SLC16A2: variants seen among roughly 807,000 people sequenced by gnomAD.
SLC16A2 encodes monocarboxylate transporter 8.
SLC16A2 carries 3 observed loss-of-function variants against 27.2 expected under a neutral mutation model. The ratio of observed to expected loss-of-function variants is 0.11; its 90% CI spans 0.05 to 0.28. The LOEUF is 0.28. Ranked by LOEUF, SLC16A2 falls within the 10% of genes least tolerant of loss-of-function variation. The probability of loss-of-function intolerance (pLI) is 1.00; values close to 1 mark genes in which losing one functional copy is unlikely to be tolerated. For synonymous variants in SLC16A2, 202 were observed against 187.8 expected, an observed-to-expected ratio of 1.08 and a Z score of -0.62; for missense variants, 295 against 458.5, an observed-to-expected ratio of 0.64 and a Z score of 3.26.
chrX:74,473,789 G>A, intron 1 of SLC16A2: 1 of 605,416 alleles, frequency 1.7e-6, no homozygotes. Flanking sequence ...GCCCCTGGAG[G>A]GCTTGGTGTT....
Position 74,486,803 on chromosome X carries a change from C to T in SLC16A2, c.431-34187C>T, listed in dbSNP as rs189011176. ...ATGCACATGTATGTTTATTGCAGCA[C>T]TATTCACAATAGCAAAGACTTGGAA... On this transcript the variant is annotated intron_variant, in intron 1 of 5. Coordinates refer to ENST00000587091, the MANE Select transcript of SLC16A2 (RefSeq NM_006517.5). Among the ~76,000 whole-genome samples, 344 of 111,943 alleles carry T rather than the reference C, an allele frequency of 3.1e-3. 2 individuals are homozygous for T. Among genetic ancestry groups the T allele is most frequent in the African/African-American group, 0.011 (338 of 30,846 alleles).
intron 1 of SLC16A2, among the ~76,000 whole-genome samples, chrX:74,425,533 A>T (rs980577666): frequency 2.7e-5 from 3 of 111,241 alleles, no homozygotes; most frequent in African/African-American, 6.5e-5. Flanking sequence ...AGCAGACAGG[A>T]CAGGAGGCAA....
In SLC16A2 at chrX:74,532,687, C is replaced by A. The variant is rs1229907993; in HGVS notation, c.*1134C>A. The A allele has an allele frequency of 8.9e-6, 1 of 111,819 alleles. No homozygotes were observed. Among genetic ancestry groups the A allele is most frequent in the Non-Finnish European group, 1.9e-5 (1 of 53,132 alleles). 9.2% of individuals were successfully genotyped at this position (111,819 alleles called of 1,213,427 possible). A position where few individuals can be genotyped will look rare whatever the true frequency, so the allele number is the denominator to read the frequency against. On this transcript the variant is annotated 3_prime_UTR_variant, in exon 6 of 6. Coordinates refer to ENST00000587091, the MANE Select transcript of SLC16A2 (RefSeq NM_006517.5). ...TAAGAAAAAAAAAATCAATTCCTAGCCTGGATCCCAAAAAGGTACAGGCAG... is the reference window on the plus strand; with the variant it reads ...TAAGAAAAAAAAAATCAATTCCTAGACTGGATCCCAAAAAGGTACAGGCAG...
intron 1 of SLC16A2, among the ~76,000 whole-genome samples, chrX:74,446,359 G>A (rs975952641): frequency 4.5e-5 from 5 of 111,463 alleles, no homozygotes; most frequent in African/African-American, 1.3e-4. Flanking sequence ...GGCTGGGCGC[G>A]GTTGCTCACA....
chrX:74,485,567 C>G (rs919372812), intron 1 of SLC16A2, among the ~76,000 whole-genome samples: 2 of 110,861 alleles, frequency 1.8e-5, no homozygotes, highest in Admixed American at 1.9e-4. Flanking sequence ...CCAAATGGCG[C>G]GGCCACTCCC....
chrX:74,528,266 G>A (rs1930515373), intron 4 of SLC16A2, among the ~76,000 whole-genome samples: 1 of 110,903 alleles, frequency 9.0e-6, no homozygotes, highest in Non-Finnish European at 1.9e-5. Context: ...TGGCAGCAGC[G>A]GGATGGGGGC....
At chrX:74,488,807 A>G (rs905272884) in intron 1 of SLC16A2, among the ~76,000 whole-genome samples, 1 of 111,458 alleles carries the variant, frequency 9.0e-6, no homozygotes, top group Non-Finnish European at 1.9e-5. Context: ...ACTGAAAAAT[A>G]CCTCTTTATA....
intron 1 of SLC16A2, among the ~76,000 whole-genome samples, chrX:74,457,143 C>T (rs1432889497): frequency 2.7e-5 from 3 of 111,589 alleles, no homozygotes; most frequent in African/African-American, 6.5e-5. Context: ...CCTGGCCCCA[C>T]CCCAGACCAA....
At chrX:74,480,743 T>C (rs1020895772) in intron 1 of SLC16A2, among the ~76,000 whole-genome samples, 3 of 112,345 alleles carry the variant, frequency 2.7e-5, no homozygotes, top group Non-Finnish European at 5.6e-5. Flanking sequence ...CTTGTCTAAA[T>C]GTCCTGGCTG....
At chrX:74,506,627 A>C (rs1228311146) in intron 1 of SLC16A2, among the ~76,000 whole-genome samples, 1 of 111,451 alleles carries the variant, frequency 9.0e-6, no homozygotes, top group Non-Finnish European at 1.9e-5. Context: ...TTCAGTGGGC[A>C]GAGAGAGAAA....
At chrX:74,491,963 G>A (rs958539875) in intron 1 of SLC16A2, among the ~76,000 whole-genome samples, 24 of 112,470 alleles carry the variant, frequency 2.1e-4, no homozygotes, top group Non-Finnish European at 5.6e-5. Context: ...TCTTCAATCT[G>A]TCTAACCCAA....
chrX:74,428,055 T>G (rs1928447329), intron 1 of SLC16A2, among the ~76,000 whole-genome samples: 1 of 110,827 alleles, frequency 9.0e-6, no homozygotes, highest in Non-Finnish European at 1.9e-5. Flanking sequence ...CATTTGCAAC[T>G]CCCCAGCAGT....
chrX:74,501,880 T>G (rs754676943), intron 1 of SLC16A2, among the ~76,000 whole-genome samples: 10 of 111,601 alleles, frequency 9.0e-5, no homozygotes, highest in African/African-American at 3.3e-4. Context: ...AATTAATGGG[T>G]GCAGCACACC....
At position 74,433,783 on chromosome X, in the gene SLC16A2, T is replaced by G. The variant is rs1928574261; in HGVS notation, c.430+11716T>G. ...CAATCTATTTAATCAACACCTTACA[T>G]TCATACTGCTACTAACCTTTGACTA... On this transcript the variant is annotated intron_variant, in intron 1 of 5. Coordinates refer to ENST00000587091, the MANE Select transcript of SLC16A2 (RefSeq NM_006517.5). 3.6e-5 allele frequency among the ~76,000 whole-genome samples: 4 copies of G among 112,280 alleles called. No homozygotes were observed. In the South Asian group the frequency reaches 1.5e-3, roughly 41 times the overall value.
chrX:74,531,725 T>C lies in SLC16A2; in HGVS notation c.*172T>C. On this transcript the variant is annotated 3_prime_UTR_variant, in exon 6 of 6. Coordinates refer to ENST00000587091, the MANE Select transcript of SLC16A2 (RefSeq NM_006517.5). ...CTCCAGGTGTTCCAAACTCATTAAC[T>C]AAATTCTCCCCAGAATGCTTTTAAA... 1.2e-5 allele frequency: 6 copies of C among 495,785 alleles called. No homozygotes were observed. In the South Asian group the frequency reaches 1.6e-4, roughly 14 times the overall value. The allele number at this position is 495,785 out of a possible 1,213,427, so 40.9% of individuals were successfully genotyped here. A position where few individuals can be genotyped will look rare whatever the true frequency, so the allele number is the denominator to read the frequency against.
At chrX:74,423,363 G>T (rs1382799488) in intron 1 of SLC16A2, among the ~76,000 whole-genome samples, 1 of 111,967 alleles carries the variant, frequency 8.9e-6, no homozygotes, top group East Asian at 2.8e-4. Context: ...CCATTTGAGG[G>T]GACCTGGGAA....
At chrX:74,424,708 A>G (rs759249736) in intron 1 of SLC16A2, among the ~76,000 whole-genome samples, 39 of 111,592 alleles carry the variant, frequency 3.5e-4, no homozygotes, top group African/African-American at 1.2e-3. Flanking sequence ...AGAGTCTATG[A>G]ATTTGGTGTT....
intron 1 of SLC16A2, among the ~76,000 whole-genome samples, chrX:74,509,868 A>C (rs747589859): frequency 8.9e-6 from 1 of 112,597 alleles, no homozygotes; most frequent in Non-Finnish European, 1.9e-5. Flanking sequence ...CTCCCAGCCT[A>C]TCCTTTTTAG....
chrX:74,421,584 T>C lies in SLC16A2; in HGVS notation c.-54T>C, dbSNP rs1176323020. The C allele has an allele frequency of 2.5e-6, 3 of 1,179,448 alleles. No homozygotes were observed. The highest frequency in any genetic ancestry group is 3.4e-6 in the Non-Finnish European group (3 of 875,530). On this transcript the variant is annotated 5_prime_UTR_variant, in exon 1 of 6. Coordinates refer to ENST00000587091, the MANE Select transcript of SLC16A2 (RefSeq NM_006517.5). ...CAGCAGCTGCAGCAGCAGAAACAAG[T>C]ACCAGCCACAAAGCGGCTCCTCTGG... is the stretch of plus-strand genomic sequence containing the variant.
Sources: allele counts gnomAD v4.1 joint callset (sites outside exome capture counted in the v4.1 genomes callset), GRCh38; gene constraint gnomAD v4.1.1; transcripts MANE v1.5; gene names NCBI Gene and HGNC (gene_info 2026-07-23, HGNC 2026-07-21).